BACH2: variants seen among roughly 807,000 people sequenced by gnomAD.
The protein encoded by BACH2 is BACH transcriptional regulator 2.
Under a neutral mutation model 61.8 loss-of-function variants are expected in BACH2, and 5 were observed. The ratio of observed to expected loss-of-function variants is 0.08; its 90% CI spans 0.04 to 0.17. The LOEUF is 0.17. Among genes scored for constraint, BACH2 ranks in the 10% least tolerant of loss-of-function variants. The pLI is 1.00. For missense variants in BACH2, 824 were observed against 1,091.1 expected, an observed-to-expected ratio of 0.76 and a Z score of 3.45; for synonymous variants, 446 against 440.1, an observed-to-expected ratio of 1.01 and a Z score of -0.17.
chr6:90,214,369 G>C (rs79063838), intron 3 of BACH2, among the ~76,000 whole-genome samples: 2 of 151,910 alleles, frequency 1.3e-5, no homozygotes, highest in Admixed American at 1.3e-4. Context: ...GGGGGAGGGG[G>C]TTGCTGTACA....
chr6:90,122,249 A>G (rs1397112032), intron 4 of BACH2, among the ~76,000 whole-genome samples: 2 of 152,250 alleles, frequency 1.3e-5, no homozygotes, highest in African/African-American at 4.8e-5. Flanking sequence ...AGACATCGGC[A>G]AAGTATTTTT....
intron 1 of BACH2, among the ~76,000 whole-genome samples, chr6:90,289,687 AAAAC>A (rs952679114): frequency 3.3e-5 from 5 of 152,204 alleles, no homozygotes; most frequent in African/African-American, 1.2e-4. Flanking sequence ...AACAAAAACA[AAAAC>A]AAAAAACCTT....
intron 3 of BACH2, among the ~76,000 whole-genome samples, chr6:90,208,551 C>A (rs1769229616): frequency 6.6e-6 from 1 of 152,176 alleles, no homozygotes. Flanking sequence ...AGTCAGGAAA[C>A]AACAGATGCT....
At chr6:90,183,288 G>T (rs771675815) in intron 4 of BACH2, among the ~76,000 whole-genome samples, 2 of 152,184 alleles carry the variant, frequency 1.3e-5, no homozygotes, top group Non-Finnish European at 2.9e-5. Context: ...CAATCAACCA[G>T]ATTTATCATT....
At chr6:89,996,003 A>C (rs1368997510) in intron 6 of BACH2, among the ~76,000 whole-genome samples, 2 of 152,174 alleles carry the variant, frequency 1.3e-5, no homozygotes, top group Non-Finnish European at 2.9e-5. Context: ...TAAATGTTGG[A>C]GCTCAATCTC....
chr6:90,189,349 C>T (rs1454325613), intron 4 of BACH2, among the ~76,000 whole-genome samples: 2 of 151,578 alleles, frequency 1.3e-5, no homozygotes, highest in Admixed American at 6.6e-5. Context: ...TGGCTCACGC[C>T]TGTAATCCCA....
At chr6:90,096,745 A>C (rs972569126) in intron 4 of BACH2, among the ~76,000 whole-genome samples, 1 of 152,138 alleles carries the variant, frequency 6.6e-6, no homozygotes, top group South Asian at 2.1e-4. Flanking sequence ...GACTGAGCAT[A>C]CACCTGCACT....
At chr6:89,982,712 C>T (rs931023812) in intron 6 of BACH2, among the ~76,000 whole-genome samples, 5 of 152,102 alleles carry the variant, frequency 3.3e-5, no homozygotes, top group Non-Finnish European at 4.4e-5. Context: ...CCCAACAACT[C>T]GGTAAATGAG....
In BACH2 at chr6:90,240,440, C is replaced by T. The variant is rs544058056; in HGVS notation, c.-275+12073G>A. On this transcript the variant is annotated intron_variant, in intron 3 of 8. Coordinates refer to ENST00000257749, the MANE Select transcript of BACH2 (RefSeq NM_021813.4). ...ATGAAAAATACTTGAAAATACTTTG[C>T]TTTGGTCTAGGATTAAATTCATGAT... 5.3e-5 allele frequency among the ~76,000 whole-genome samples: 8 copies of T among 152,196 alleles called. No homozygotes were observed. The South Asian group carries it at 1.5e-3, about 28-fold the overall frequency.
Position 90,065,021 on chromosome 6 carries a change from C to T in BACH2, c.-13+23940G>A, listed in dbSNP as rs538006927. Among the ~76,000 whole-genome samples, 16 of 152,130 alleles carry T rather than the reference C, an allele frequency of 1.1e-4. No individual in the cohort carries two copies. In the South Asian group the frequency reaches 2.3e-3, roughly 22 times the overall value. On this transcript the variant is annotated intron_variant, in intron 5 of 8. Transcript: ENST00000257749. The stretch of plus-strand genomic sequence containing the variant: ...TTTCAAATGGCTGCAAGAATTCCTT[C>T]CTTACAGAGTCTTGGGTGGTCCCTC...
At chr6:89,948,650 C>G (rs979150846) in intron 7 of BACH2, among the ~76,000 whole-genome samples, 1 of 152,126 alleles carries the variant, frequency 6.6e-6, no homozygotes, top group African/African-American at 2.4e-5. Flanking sequence ...CGCTCATTCA[C>G]GGTTTCAGAA....
intron 1 of BACH2, among the ~76,000 whole-genome samples, chr6:90,296,255 C>T (rs547224044): frequency 6.6e-6 from 1 of 151,960 alleles, no homozygotes; most frequent in African/African-American, 2.4e-5. Flanking sequence ...ACACATTCGG[C>T]GCGGCGCGGC....
At chr6:90,199,326 A>G (rs1445905767) in intron 4 of BACH2, among the ~76,000 whole-genome samples, 5 of 152,230 alleles carry the variant, frequency 3.3e-5, no homozygotes, top group African/African-American at 9.6e-5. Flanking sequence ...ATAGTTCCAT[A>G]GTCAAGATGA....
chr6:90,277,650 AAAG>A lies in BACH2; in HGVS notation c.-445-5712_-445-5710del, dbSNP rs796921678. 7.9e-5 allele frequency among the ~76,000 whole-genome samples: 12 copies of A among 152,366 alleles called. 2 individuals are homozygous for A. Among genetic ancestry groups the A allele is most frequent in the African/African-American group, 2.9e-4 (12 of 41,592 alleles). ...CCTATTTATATTATCATTCAATTAAAAAGAAATAAAATTAATCAGCTTCTCTTA... is the reference window on the plus strand; with the variant it reads ...CCTATTTATATTATCATTCAATTAAAAAATAAAATTAATCAGCTTCTCTTA... On this transcript the variant is annotated intron_variant, in intron 1 of 8. Coordinates refer to ENST00000257749, the MANE Select transcript of BACH2 (RefSeq NM_021813.4).
At chr6:90,068,307 TCAGGCACCA>T (rs1781059182) in intron 5 of BACH2, among the ~76,000 whole-genome samples, 1 of 152,240 alleles carries the variant, frequency 6.6e-6, no homozygotes, top group Non-Finnish European at 1.5e-5. Context: ...TAAGCTCATC[TCAGGCACCA>T]CTGAGTACAG....
At chr6:90,043,460 TC>T (rs1325466735) in intron 5 of BACH2, among the ~76,000 whole-genome samples, 5 of 151,822 alleles carry the variant, frequency 3.3e-5, no homozygotes, top group Non-Finnish European at 7.4e-5. Context: ...CTTTTCCTCT[TC>T]CCCCTTTCCT....
chr6:90,150,480 C>T lies in BACH2; in HGVS notation c.-162+56089G>A, dbSNP rs74899210. 5.5e-3 allele frequency among the ~76,000 whole-genome samples: 840 copies of T among 152,284 alleles called. 11 individuals are homozygous for T. The highest frequency in any genetic ancestry group is 0.019 in the African/African-American group (801 of 41,560). ...ACTATCTAACACTTATCAATTACTA[C>T]GGCCACTTCATTACTTCAAATGTCC... is the stretch of plus-strand genomic sequence containing the variant. On this transcript the variant is annotated intron_variant, in intron 4 of 8. Transcript: ENST00000257749.
chr6:90,089,681 G>A (rs1782080843), intron 4 of BACH2, among the ~76,000 whole-genome samples: 1 of 152,048 alleles, frequency 6.6e-6, no homozygotes, highest in East Asian at 1.9e-4. Context: ...AAAGATCAAT[G>A]GTAACCTTGA....
At chr6:90,203,191 G>C (rs1194167502) in intron 4 of BACH2, among the ~76,000 whole-genome samples, 1 of 151,792 alleles carries the variant, frequency 6.6e-6, no homozygotes, top group Non-Finnish European at 1.5e-5. Context: ...TGGGAGGATT[G>C]CTTGAGTCCA....
Sources: allele counts gnomAD v4.1 joint callset (sites outside exome capture counted in the v4.1 genomes callset), GRCh38; gene constraint gnomAD v4.1.1; transcripts MANE v1.5; gene names NCBI Gene and HGNC (gene_info 2026-07-23, HGNC 2026-07-21).